MAGI1: variants seen among roughly 807,000 people sequenced by gnomAD.
The protein encoded by MAGI1 is membrane-associated guanylate kinase, WW and PDZ domain-containing protein 1.
Under a neutral mutation model 139.9 loss-of-function variants are expected in MAGI1, and 58 were observed. The ratio of observed to expected loss-of-function variants is 0.41; its 90% CI spans 0.34 to 0.52. The LOEUF is 0.52. Among genes scored for constraint, MAGI1 ranks in the 20% least tolerant of loss-of-function variants. MAGI1 has a pLI of 0.12. For missense variants in MAGI1, 1,874 were observed against 1,901.6 expected (o/e 0.99, Z 0.27); for synonymous variants, 812 against 737.9 (o/e 1.10, Z -1.63).
At chr3:65,889,673 A>T (rs2060663656) in intron 1 of MAGI1, among the ~76,000 whole-genome samples, 1 of 152,150 alleles carries the variant, frequency 6.6e-6, no homozygotes. Context: ...AGTAAGTAAC[A>T]CAACAGTGAA....
chr3:66,023,028 A>C (rs967089535), intron 1 of MAGI1, among the ~76,000 whole-genome samples: 2 of 152,200 alleles, frequency 1.3e-5, no homozygotes, highest in Non-Finnish European at 2.9e-5. Flanking sequence ...TAGCAGAAAG[A>C]AGTCAAACTT....
intron 6 of MAGI1, among the ~76,000 whole-genome samples, chr3:65,451,373 T>C (rs893508785): frequency 6.6e-6 from 1 of 152,206 alleles, no homozygotes; most frequent in African/African-American, 2.4e-5. Flanking sequence ...ATAATGATTA[T>C]TGTTCCATGA....
At chr3:66,028,803 T>C (rs2068440331) in intron 1 of MAGI1, among the ~76,000 whole-genome samples, 1 of 152,156 alleles carries the variant, frequency 6.6e-6, no homozygotes, top group African/African-American at 2.4e-5. Context: ...AGTCTCAGCC[T>C]TTCAAAAAGG....
rs746698280 is a variant in MAGI1 at position 65,382,082 on chromosome 3, T to C, written c.2509-13A>G. 3 of 1,587,142 alleles carry C rather than the reference T, an allele frequency of 1.9e-6. No individual in the cohort carries two copies. The highest frequency in any genetic ancestry group is 2.6e-6 in the Non-Finnish European group (3 of 1,162,866). ...GACCAATATAAATCTGTTGAGTAAT[T>C]GAACGATGGATGAAACATTGCTCTC... On this transcript the variant is annotated splice_polypyrimidine_tract_variant and intron_variant, in intron 15 of 22. Transcript: ENST00000402939.
At chr3:65,909,134 C>T (rs1029280117) in intron 1 of MAGI1, among the ~76,000 whole-genome samples, 1 of 152,098 alleles carries the variant, frequency 6.6e-6, no homozygotes, top group Non-Finnish European at 1.5e-5. Context: ...CATGAAGCTA[C>T]CCTCAAAATG....
intron 3 of MAGI1, 49 bp from the exon 4 acceptor site, chr3:65,478,847 G>GT (rs11409972): frequency 0.34 from 459,228 of 1,337,228 alleles, 69,115 homozygotes; most frequent in African/African-American, 0.46. Flanking sequence ...AATACTTTGT[G>GT]TTTTTTTTTA....
In MAGI1 at chr3:65,478,665, C is replaced by G; in HGVS notation, c.684G>C (p.Met228Ile). Residue 228 changes from methionine to isoleucine, a missense_variant, in exon 4 of 23, where the codon ATG becomes ATC. Transcript: ENST00000402939. ...TPKRTKSYNDMQNAGIVHAEN... is the reference protein window; with the variant it reads ...TPKRTKSYNDIQNAGIVHAEN... ...CCGCGTGGACTATGCCAGCATTTTG[C>G]ATATCATTGTAGGACTTGGTTCGCT... 6.2e-7 allele frequency: 1 copy of G among 1,614,022 alleles called. No individual in the cohort carries two copies. The highest frequency in any genetic ancestry group is 8.5e-7 in the Non-Finnish European group (1 of 1,179,994).
At chr3:65,788,462 G>A (rs1271407121) in intron 1 of MAGI1, among the ~76,000 whole-genome samples, 1 of 152,186 alleles carries the variant, frequency 6.6e-6, no homozygotes, top group Non-Finnish European at 1.5e-5. Flanking sequence ...TTTCCCCTAT[G>A]CATTTTAGAT....
intron 1 of MAGI1, among the ~76,000 whole-genome samples, chr3:66,026,029 G>A (rs959894402): frequency 3.3e-5 from 5 of 151,530 alleles, no homozygotes; most frequent in South Asian, 2.1e-4. Context: ...CTGCAACACC[G>A]GAGAAAGCTT....
chr3:65,418,232 A>G (rs1339345605), intron 12 of MAGI1, among the ~76,000 whole-genome samples: 1 of 152,146 alleles, frequency 6.6e-6, no homozygotes, highest in Non-Finnish European at 1.5e-5. Flanking sequence ...ACAGACTCAG[A>G]CTACATATTA....
chr3:65,560,902 A>C (rs577140738), intron 2 of MAGI1, among the ~76,000 whole-genome samples: 1 of 152,344 alleles, frequency 6.6e-6, no homozygotes, highest in South Asian at 2.1e-4. Context: ...GTGATTCATA[A>C]ATTTTTGCAT....
intron 4 of MAGI1, among the ~76,000 whole-genome samples, chr3:65,475,117 C>A (rs1178897910): frequency 1.3e-5 from 2 of 151,914 alleles, no homozygotes; most frequent in Non-Finnish European, 2.9e-5. Flanking sequence ...AAAAAAAAAG[C>A]CTAGAAACAT....
chr3:65,669,496 G>A (rs1335455778), intron 1 of MAGI1, among the ~76,000 whole-genome samples: 4 of 152,152 alleles, frequency 2.6e-5, no homozygotes, highest in Non-Finnish European at 5.9e-5. Flanking sequence ...CCAGAAAGTC[G>A]ACAAGCAGAA....
intron 1 of MAGI1, among the ~76,000 whole-genome samples, chr3:65,645,999 C>G (rs2107275788): frequency 6.6e-6 from 1 of 151,592 alleles, no homozygotes; most frequent in Non-Finnish European, 1.5e-5. Context: ...AAGAATAAGA[C>G]AGAATAAATG....
At chr3:65,680,795 T>TATGATG (rs58365928) in intron 1 of MAGI1, among the ~76,000 whole-genome samples, 2 of 151,160 alleles carry the variant, frequency 1.3e-5, no homozygotes, top group African/African-American at 4.9e-5. Flanking sequence ...TATGATATGA[T>TATGATG]ATACTTTAAT....
chr3:65,460,628 T>C (rs574110372), intron 5 of MAGI1, among the ~76,000 whole-genome samples: 80 of 152,264 alleles, frequency 5.3e-4, no homozygotes, highest in African/African-American at 1.8e-3. Context: ...ACATGTGCCA[T>C]GGTGGTTTGC....
At chr3:65,964,255 G>C (rs1207912629) in intron 1 of MAGI1, among the ~76,000 whole-genome samples, 3 of 152,152 alleles carry the variant, frequency 2.0e-5, no homozygotes, top group African/African-American at 2.4e-5. Context: ...GTTAAGACTT[G>C]AGAGAAGCCA....
chr3:65,488,618 G>C (rs1951782361), intron 3 of MAGI1, among the ~76,000 whole-genome samples: 1 of 152,068 alleles, frequency 6.6e-6, no homozygotes, highest in Non-Finnish European at 1.5e-5. Flanking sequence ...TGGGATTATA[G>C]GCATGAGCCA....
intron 1 of MAGI1, among the ~76,000 whole-genome samples, chr3:65,957,377 T>C (rs1279294817): frequency 6.8e-6 from 1 of 146,198 alleles, no homozygotes; most frequent in Non-Finnish European, 1.5e-5. Context: ...AAAATTTAGC[T>C]GAGGATGGTG....
Sources: gnomAD v4.1 joint callset for allele counts (sites outside exome capture counted in the v4.1 genomes callset) on GRCh38, gnomAD v4.1.1 for gene constraint, MANE v1.5 for transcripts, NCBI Gene and HGNC (gene_info 2026-07-23, HGNC 2026-07-21) for gene names.